HDAC9: variants seen among roughly 807,000 people sequenced by gnomAD.
HDAC9 encodes histone deacetylase 9.
Under a neutral mutation model 139.4 loss-of-function variants are expected in HDAC9, and 41 were observed. The ratio of observed to expected loss-of-function variants is 0.29; its 90% CI spans 0.23 to 0.38. The LOEUF is 0.38. Among genes scored for constraint, HDAC9 ranks in the 10% least tolerant of loss-of-function variants. The pLI is 1.00. For missense variants in HDAC9, 1,147 were observed against 1,297.0 expected (o/e 0.88, Z 1.78); for synonymous variants, 517 against 476.2 (o/e 1.09, Z -1.12).
intron 21 of HDAC9, 74 bp downstream of exon 21, chr7:18,836,071 G>C: frequency 1.3e-6 from 1 of 776,188 alleles, no homozygotes; most frequent in Non-Finnish European, 2.1e-6. Flanking sequence ...AAATATGGAA[G>C]AGAAATGTAA....
intron 12 of HDAC9, among the ~76,000 whole-genome samples, chr7:18,676,983 T>A (rs1170788936): frequency 6.6e-6 from 1 of 151,936 alleles, no homozygotes; most frequent in Non-Finnish European, 1.5e-5. Flanking sequence ...TTTAGTCTAC[T>A]TTTTGAACTA....
rs552692283 is a variant in HDAC9 at position 18,738,357 on chromosome 7, A to G, written c.1909+10600A>G. 1.6e-4 allele frequency among the ~76,000 whole-genome samples: 25 copies of G among 152,330 alleles called. No homozygotes were observed. The South Asian group carries it at 3.5e-3, about 21-fold the overall frequency. On this transcript the variant is annotated intron_variant, in intron 13 of 25. Coordinates refer to ENST00000686413, the MANE Select transcript of HDAC9 (RefSeq NM_178425.4). The stretch of plus-strand genomic sequence containing the variant: ...TTGATGCAGTTTCTTCATAGCATCA[A>G]TGGTCTTTACAATTTGGCATGTTTT...
chr7:18,181,317 G>C (rs1343296160), intron 2 of HDAC9, among the ~76,000 whole-genome samples: 1 of 152,162 alleles, frequency 6.6e-6, no homozygotes, highest in Non-Finnish European at 1.5e-5. Flanking sequence ...TAGGCAATAG[G>C]AATAACCCAC....
chr7:18,144,189 A>T (rs1786123528), intron 1 of HDAC9, among the ~76,000 whole-genome samples: 1 of 152,224 alleles, frequency 6.6e-6, no homozygotes, highest in Non-Finnish European at 1.5e-5. Flanking sequence ...TGGAAATAAA[A>T]AAAAGGATAA....
intron 13 of HDAC9, among the ~76,000 whole-genome samples, chr7:18,740,534 G>T (rs1787355910): frequency 6.6e-6 from 1 of 152,286 alleles, no homozygotes; most frequent in East Asian, 1.9e-4. Flanking sequence ...AAGCGGGCAT[G>T]GCCCCATCTT....
intron 16 of HDAC9, among the ~76,000 whole-genome samples, chr7:18,774,708 T>C (rs1184165903): frequency 6.6e-6 from 1 of 152,106 alleles, no homozygotes; most frequent in Non-Finnish European, 1.5e-5. Context: ...GTGGTTGGGT[T>C]GATCTTCTGT....
At chr7:18,541,826 G>A (rs1176987016) in intron 2 of HDAC9, among the ~76,000 whole-genome samples, 1 of 152,166 alleles carries the variant, frequency 6.6e-6, no homozygotes, top group Non-Finnish European at 1.5e-5. Flanking sequence ...TATGTTCATA[G>A]TGATTCATGA....
At chr7:18,537,941 C>T (rs1355261018) in intron 2 of HDAC9, among the ~76,000 whole-genome samples, 1 of 152,204 alleles carries the variant, frequency 6.6e-6, no homozygotes, top group Non-Finnish European at 1.5e-5. Context: ...TTCAGTCCTT[C>T]ATAACCTCAG....
intron 14 of HDAC9, among the ~76,000 whole-genome samples, chr7:18,750,563 C>G (rs562702650): frequency 1.2e-4 from 19 of 152,106 alleles, no homozygotes; most frequent in Non-Finnish European, 2.2e-4. Flanking sequence ...TGGTCCTTTC[C>G]TCAGTGCAAG....
chr7:18,444,681 C>T (rs977479016), intron 1 of HDAC9, among the ~76,000 whole-genome samples: 35 of 152,162 alleles, frequency 2.3e-4, no homozygotes, highest in African/African-American at 7.2e-4. Flanking sequence ...TAGTATGCTA[C>T]GCCCAAAGGA....
chr7:18,734,012 C>G (rs1178142), intron 13 of HDAC9, among the ~76,000 whole-genome samples: 1 of 151,950 alleles, frequency 6.6e-6, no homozygotes. Flanking sequence ...TTTCTACTTA[C>G]GGAAATATCC....
chr7:18,744,115 T>C (rs1178896687), intron 13 of HDAC9, among the ~76,000 whole-genome samples: 19 of 148,134 alleles, frequency 1.3e-4, no homozygotes, highest in Admixed American at 1.2e-3. Context: ...CTCAGCCTCC[T>C]GAGTAGCTGG....
intron 17 of HDAC9, among the ~76,000 whole-genome samples, chr7:18,814,134 C>T (rs934129050): frequency 5.9e-5 from 9 of 152,164 alleles, no homozygotes; most frequent in African/African-American, 2.2e-4. Context: ...GACTCTACAT[C>T]ACTCCCCGCT....
rs1829173613 is a variant in HDAC9 at position 18,585,429 on chromosome 7, A to G, written c.171A>G (p.Gln57=). 6.2e-7 allele frequency: 1 copy of G among 1,613,984 alleles called. No homozygotes were observed. Among genetic ancestry groups the G allele is most frequent in the Non-Finnish European group, 8.5e-7 (1 of 1,179,880 alleles). ...AATTACTTCTTATCCAGCAGCAGCA[A>G]CAAATCCAGAAGCAGCTTCTGATAG... ...QQELLLIQQQ[Q]QIQKQLLIAE... Residue 57 remains glutamine (Q), a synonymous_variant, in exon 3 of 26, where the codon CAA becomes CAG. Coordinates refer to ENST00000686413, the MANE Select transcript of HDAC9 (RefSeq NM_178425.4).
Position 18,647,785 on chromosome 7 carries a change from G to C in HDAC9, c.1036G>C (p.Ala346Pro). 1.2e-6 allele frequency: 2 copies of C among 1,604,448 alleles called. No individual in the cohort carries two copies. Among genetic ancestry groups the C allele is most frequent in the Non-Finnish European group, 1.7e-6 (2 of 1,175,062 alleles). ...GLPAVPSQLN[A>P]SNSLKEKQKC... ...ACATCTTTGTTATTTCTCAACACAGGCTTCGAATTCACTCAAAGAAAAGCA... is the reference window on the plus strand; with the variant it reads ...ACATCTTTGTTATTTCTCAACACAGCCTTCGAATTCACTCAAAGAAAAGCA... Residue 346 changes from alanine (A) to proline (P), a missense_variant and splice_region_variant, in exon 10 of 26, where the codon GCT becomes CCT. Physicochemically the swap from Ala to Pro is conservative, Grantham distance 27 (BLOSUM62 -1). This residue lies in a region of HDAC9 where 264 missense variants were observed against 273.8 expected (regional missense o/e 0.96). Coordinates refer to ENST00000686413, the MANE Select transcript of HDAC9 (RefSeq NM_178425.4).
intron 1 of HDAC9, among the ~76,000 whole-genome samples, chr7:18,400,414 A>G (rs1787432388): frequency 6.6e-6 from 1 of 152,168 alleles, no homozygotes. Context: ...GAAGTGGAAG[A>G]CAGAGATCAA....
chr7:18,668,103 A>T, intron 12 of HDAC9: 1 of 920,538 alleles, frequency 1.1e-6, no homozygotes, highest in Non-Finnish European at 1.3e-6. Context: ...TTGCTGTGAC[A>T]TTTAAAAATA....
rs1554415405 is a variant in HDAC9, at chr7:18,970,810, T to TAG, written c.3023-4995_3023-4994insGA. On this transcript the variant is annotated intron_variant, in intron 24 of 25. Transcript: ENST00000686413. ...CAACATCATTCAAATGGAAAAAAGG[T>TAG]AAAAAAAAGCAAATTTGAGAAGGAG... is the stretch of plus-strand genomic sequence containing the variant. Among the ~76,000 whole-genome samples the TAG allele has an allele frequency of 2.4e-4, 37 of 151,154 alleles. 1 individual carries two copies. The East Asian group carries it at 7.3e-3, about 30-fold the overall frequency.
intron 8 of HDAC9, among the ~76,000 whole-genome samples, chr7:18,643,404 A>T (rs1485054920): frequency 2.6e-5 from 4 of 152,160 alleles, no homozygotes; most frequent in Non-Finnish European, 4.4e-5. Flanking sequence ...ATGTTCCTTT[A>T]AGAAGTAACA....
Sources: gnomAD v4.1 joint callset for allele counts (sites outside exome capture counted in the v4.1 genomes callset) on GRCh38, gnomAD v4.1.1 for gene constraint, gnomAD v4.1.1 regional missense constraint, MANE v1.5 for transcripts, NCBI Gene and HGNC (gene_info 2026-07-23, HGNC 2026-07-21) for gene names.